CSGALNACT1: variants seen among roughly 807,000 people sequenced by gnomAD.
The protein encoded by CSGALNACT1 is beta4GalNAcT-1.
CSGALNACT1 carries 52 observed loss-of-function variants against 51.0 expected under a neutral mutation model. The observed-to-expected ratio is 1.02, with a 90% CI of 0.82 to 1.29. The LOEUF (loss-of-function observed/expected upper bound fraction) is 1.29. CSGALNACT1 is among the 50% of genes most tolerant of loss of function. The pLI, the probability that CSGALNACT1 is intolerant of heterozygous loss-of-function variation, is 0.00. For missense variants in CSGALNACT1, 935 were observed against 679.2 expected, an observed-to-expected ratio of 1.38 and a Z score of -4.19; for synonymous variants, 341 against 254.4, an observed-to-expected ratio of 1.34 and a Z score of -3.24.
intron 1 of CSGALNACT1, among the ~76,000 whole-genome samples, chr8:19,617,051 T>A (rs530734474): frequency 6.6e-6 from 1 of 152,292 alleles, no homozygotes; most frequent in African/African-American, 2.4e-5. Flanking sequence ...CCTGAGCTTG[T>A]TTTCCTGTAA....
At chr8:19,704,709 G>C (rs567413019) in intron 1 of CSGALNACT1, among the ~76,000 whole-genome samples, 1 of 152,236 alleles carries the variant, frequency 6.6e-6, no homozygotes, top group South Asian at 2.1e-4. Flanking sequence ...TGGATAAATG[G>C]ATGGATGGAT....
intron 3 of CSGALNACT1, among the ~76,000 whole-genome samples, chr8:19,578,302 G>C (rs956308834): frequency 1.3e-5 from 2 of 152,196 alleles, no homozygotes; most frequent in Non-Finnish European, 2.9e-5. Flanking sequence ...AGTCAAGTGA[G>C]AGGACTTTAG....
At chr8:19,636,171 A>G (rs1371490843) in intron 1 of CSGALNACT1, among the ~76,000 whole-genome samples, 1 of 152,218 alleles carries the variant, frequency 6.6e-6, no homozygotes, top group Non-Finnish European at 1.5e-5. Context: ...GGCGAGTACA[A>G]TACAATAAGG....
chr8:19,410,592 A>G (rs2055448924), intron 8 of CSGALNACT1, among the ~76,000 whole-genome samples: 1 of 152,190 alleles, frequency 6.6e-6, no homozygotes, highest in Non-Finnish European at 1.5e-5. Context: ...GGGAAGGAAG[A>G]CAAGAGGGAG....
intron 1 of CSGALNACT1, among the ~76,000 whole-genome samples, chr8:19,654,965 T>A (rs1354512020): frequency 1.3e-5 from 2 of 152,054 alleles, no homozygotes; most frequent in African/African-American, 4.8e-5. Flanking sequence ...AATTCTAAAA[T>A]CACCTGATGG....
chr8:19,580,535 T>C (rs745354861), intron 3 of CSGALNACT1, among the ~76,000 whole-genome samples: 2 of 152,206 alleles, frequency 1.3e-5, no homozygotes, highest in Non-Finnish European at 2.9e-5. Context: ...TCTAGATGAA[T>C]AGCTTTATCC....
intron 1 of CSGALNACT1, among the ~76,000 whole-genome samples, chr8:19,674,825 T>A (rs546890696): frequency 6.3e-4 from 96 of 151,948 alleles, no homozygotes; most frequent in African/African-American, 2.2e-3. Context: ...GTTGTAGATA[T>A]ATTTTGAAAA....
chr8:19,677,890 C>T (rs1270338795), intron 1 of CSGALNACT1, among the ~76,000 whole-genome samples: 4 of 152,070 alleles, frequency 2.6e-5, no homozygotes, highest in Admixed American at 2.6e-4. Context: ...GTCTGAAAAA[C>T]AATTAGAAGA....
At chr8:19,633,257 A>G (rs1233363551) in intron 1 of CSGALNACT1, among the ~76,000 whole-genome samples, 2 of 152,084 alleles carry the variant, frequency 1.3e-5, no homozygotes, top group Non-Finnish European at 2.9e-5. Flanking sequence ...AGTTCCAAGT[A>G]TCTAATACAG....
At chr8:19,718,488 A>C (rs1013939867) in intron 1 of CSGALNACT1, among the ~76,000 whole-genome samples, 4 of 152,216 alleles carry the variant, frequency 2.6e-5, no homozygotes, top group African/African-American at 9.7e-5. Flanking sequence ...TATAGCAACA[A>C]AACGCACAGT....
At position 19,423,924 on chromosome 8, in the gene CSGALNACT1, C is replaced by T. The variant is rs191122502; in HGVS notation, c.954-3406G>A. On this transcript the variant is annotated intron_variant, in intron 6 of 9. Coordinates refer to ENST00000454498, the Ensembl canonical transcript of CSGALNACT1. ...GGGAAGTGGTACCCAGCTCTGTCCA[C>T]GCACTGTTTCCATGTGGACCATATG... Among the ~76,000 whole-genome samples the T allele has an allele frequency of 2.0e-4, 30 of 152,328 alleles. 1 individual carries two copies. The East Asian group carries it at 4.8e-3, about 24-fold the overall frequency.
At chr8:19,649,621 A>T (rs1173448425) in intron 1 of CSGALNACT1, among the ~76,000 whole-genome samples, 1 of 151,910 alleles carries the variant, frequency 6.6e-6, no homozygotes, top group Non-Finnish European at 1.5e-5. Context: ...ACAGTTACGA[A>T]TACATGCAAT....
chr8:19,439,167 T>C (rs571694813), intron 6 of CSGALNACT1, among the ~76,000 whole-genome samples: 1 of 152,254 alleles, frequency 6.6e-6, no homozygotes, highest in Non-Finnish European at 1.5e-5. Flanking sequence ...TCATTTATTT[T>C]TATAGGGAAA....
At chr8:19,513,056 C>T (rs2078750813) in intron 3 of CSGALNACT1, among the ~76,000 whole-genome samples, 1 of 152,162 alleles carries the variant, frequency 6.6e-6, no homozygotes, top group Non-Finnish European at 1.5e-5. Flanking sequence ...ATCCCTAGCC[C>T]TTCCTTCTCC....
At chr8:19,450,721 A>G (rs376580495) in intron 5 of CSGALNACT1, among the ~76,000 whole-genome samples, 1 of 152,130 alleles carries the variant, frequency 6.6e-6, no homozygotes, top group East Asian at 1.9e-4. Flanking sequence ...GTTTGAAACC[A>G]GCCTGGGCAA....
At chr8:19,573,727 A>C (rs2043532259) in intron 3 of CSGALNACT1, among the ~76,000 whole-genome samples, 1 of 152,254 alleles carries the variant, frequency 6.6e-6, no homozygotes, top group Non-Finnish European at 1.5e-5. Flanking sequence ...TTAATGATCA[A>C]TACTGCAAAC....
At chr8:19,523,045 C>T (rs1195955333) in intron 3 of CSGALNACT1, among the ~76,000 whole-genome samples, 3 of 152,122 alleles carry the variant, frequency 2.0e-5, no homozygotes, top group Admixed American at 6.6e-5. Flanking sequence ...TGAATACACT[C>T]GTGTGAAGCT....
At chr8:19,719,376 A>G (rs2062989905) in intron 1 of CSGALNACT1, among the ~76,000 whole-genome samples, 1 of 152,110 alleles carries the variant, frequency 6.6e-6, no homozygotes, top group Non-Finnish European at 1.5e-5. Flanking sequence ...TTATGCCGAT[A>G]TTTGTCATTA....
chr8:19,470,989 G>C (rs949536383), intron 4 of CSGALNACT1, among the ~76,000 whole-genome samples: 2 of 152,052 alleles, frequency 1.3e-5, no homozygotes, highest in Non-Finnish European at 2.9e-5. Flanking sequence ...CCAGCTACTT[G>C]GGAGGCTGAG....
Sources: gnomAD v4.1 joint callset for allele counts (sites outside exome capture counted in the v4.1 genomes callset) on GRCh38, gnomAD v4.1.1 for gene constraint, MANE v1.5 for transcripts, NCBI Gene and HGNC (gene_info 2026-07-23, HGNC 2026-07-21) for gene names.